TRIM34: variants seen among roughly 807,000 people sequenced by gnomAD.
The protein encoded by TRIM34 is tripartite motif containing 34, also known as E3 ubiquitin-protein ligase TRIM34.
TRIM34 carries 41 observed loss-of-function variants against 38.1 expected under a neutral mutation model. That is an observed-to-expected ratio of 1.08 (90% CI 0.84 to 1.40). The LOEUF is 1.40. TRIM34 is among the 40% of genes most tolerant of loss of function. The pLI is 0.00. For missense variants in TRIM34, 556 were observed against 571.4 expected, an observed-to-expected ratio of 0.97 and a Z score of 0.27; for synonymous variants, 200 against 202.5, an observed-to-expected ratio of 0.99 and a Z score of 0.10.
At chr11:5,622,134 G>T (rs150924731), upstream of TRIM34, among the ~76,000 whole-genome samples, 60 of 152,270 alleles carry the variant, frequency 3.9e-4, 1 homozygote, top group African/African-American at 1.3e-3. Flanking sequence ...TGAACTCAGA[G>T]AAATGAGTTT....
intron 6 of TRIM34, 76 bp from the exon 7 acceptor site, chr11:5,642,741 A>G (rs1850068484): frequency 6.3e-7 from 1 of 1,586,578 alleles, no homozygotes; most frequent in Admixed American, 1.8e-5. Context: ...CCCTGTCCCT[A>G]CTCTAAAGAA....
intron 6 of TRIM34, 58 bp from the exon 7 acceptor site, chr11:5,642,755 ATAGG>A (rs1850070228): frequency 1.2e-6 from 2 of 1,604,536 alleles, no homozygotes; most frequent in Admixed American, 3.4e-5. Context: ...TAAAGAATAT[ATAGG>A]TATCAGTGCT....
chr11:5,632,807 T>C, intron 2 of TRIM34, 53 bp downstream of exon 2: 1 of 1,306,822 alleles, frequency 7.7e-7, no homozygotes, highest in Non-Finnish European at 1.0e-6. Context: ...TGGTGGAAAA[T>C]CTCACCTTTT....
chr11:5,641,981 G>A (rs997320928), intron 5 of TRIM34, among the ~76,000 whole-genome samples: 1 of 152,128 alleles, frequency 6.6e-6, no homozygotes, highest in African/African-American at 2.4e-5. Flanking sequence ...CCGTATCACA[G>A]TCAGGATCTA....
rs1849518280 is a variant in TRIM34, at chr11:5,632,378, C to A, written c.47C>A (p.Pro16His). Residue 16 changes from proline (P) to histidine (H), a missense_variant, in exon 2 of 8, where the codon CCC becomes CAC. Pro to His is a moderately conservative substitution (Grantham distance 77). Coordinates refer to ENST00000429814, the MANE Select transcript of TRIM34 (RefSeq NM_021616.6). ...LLNVQEEVTC[P>H]ICLELLTEPL... ...AACGTACAAGAGGAGGTGACCTGTC[C>A]CATCTGCCTGGAGCTGTTGACAGAA... The A allele has an allele frequency of 1.2e-6, 2 of 1,613,962 alleles. No individual in the cohort carries two copies. Among genetic ancestry groups the A allele is most frequent in the African/African-American group, 1.3e-5 (1 of 74,956 alleles).
At position 5,636,888 on chromosome 11, in the gene TRIM34, T is replaced by G. The variant is rs1049687131; in HGVS notation, c.750+2027T>G. On this transcript the variant is annotated intron_variant, in intron 4 of 7. Transcript: ENST00000429814. ...TTGGCGGGGCGCGGTGGCTCACGCC[T>G]GTAATCCCAGCACTTTGGGAGGCCG... Among the ~76,000 whole-genome samples the G allele has an allele frequency of 3.3e-5, 5 of 152,334 alleles. No individual in the cohort carries two copies. The South Asian group carries it at 1.0e-3, about 32-fold the overall frequency.
rs180812559 is a variant in TRIM34, at chr11:5,628,704, C to G, written c.-77-3551C>G. Among the ~76,000 whole-genome samples the G allele has an allele frequency of 8.5e-4, 130 of 152,248 alleles. 1 individual carries two copies. The highest frequency in any genetic ancestry group is 3.1e-3 in the African/African-American group (127 of 41,516). On this transcript the variant is annotated intron_variant, in intron 1 of 7. Coordinates refer to ENST00000429814, the MANE Select transcript of TRIM34 (RefSeq NM_021616.6). ...GTTCAATTATATTAGTTTCCTAGCA[C>G]TGTTGTAACCAATTATCACAAACTA...
chr11:5,620,277 T>C (rs1848941815), upstream of TRIM34, among the ~76,000 whole-genome samples: 1 of 143,694 alleles, frequency 7.0e-6, no homozygotes, highest in Non-Finnish European at 1.5e-5. Context: ...TCCTGGGTTC[T>C]ATGGATTCTC....
chr11:5,642,567 G>A, intron 6 of TRIM34, 61 bp downstream of exon 6: 1 of 1,570,078 alleles, frequency 6.4e-7, no homozygotes, highest in Non-Finnish European at 8.7e-7. Flanking sequence ...GTAATAAACT[G>A]TCTAGGTGGG....
At position 5,632,602 on chromosome 11, in the gene TRIM34, G is replaced by A; in HGVS notation, c.271G>A (p.Gly91Arg). The A allele has an allele frequency of 6.2e-7, 1 of 1,613,544 alleles. No individual in the cohort carries two copies. Among genetic ancestry groups the A allele is most frequent in the African/African-American group, 1.3e-5 (1 of 74,874 alleles). ...LKEVKLSPDN[G>R]KKRDLCDHHG... ...GGAGGTCAAGTTGAGCCCAGACAAT[G>A]GGAAGAAGAGAGATCTCTGTGATCA... Residue 91 changes from glycine (G) to arginine (R), a missense_variant, in exon 2 of 8, where the codon GGG becomes AGG. Coordinates refer to ENST00000429814, the MANE Select transcript of TRIM34 (RefSeq NM_021616.6).
chr11:5,641,539 A>G (rs1253137791), intron 5 of TRIM34, among the ~76,000 whole-genome samples: 3 of 152,174 alleles, frequency 2.0e-5, no homozygotes, highest in Non-Finnish European at 4.4e-5. Context: ...TGTCATACAC[A>G]TGGAGGGCCT....
chr11:5,643,052 A>C, intron 7 of TRIM34, 92 bp from the exon 8 acceptor site: 3 of 1,297,856 alleles, frequency 2.3e-6, no homozygotes, highest in Non-Finnish European at 3.1e-6. Context: ...ATGTCACTAG[A>C]TAAACCTACT....
chr11:5,628,839 C>T (rs1040080541), intron 1 of TRIM34, among the ~76,000 whole-genome samples: 5 of 150,150 alleles, frequency 3.3e-5, no homozygotes, highest in African/African-American at 9.8e-5. Context: ...ATGTGAAAAT[C>T]GGTTCTATTC....
At chr11:5,632,186 T>TG in intron 1 of TRIM34, 69 bp from the exon 2 acceptor site, 1 of 1,516,616 alleles carries the variant, frequency 6.6e-7, no homozygotes, top group Non-Finnish European at 8.8e-7. Flanking sequence ...GGCCAGTCTT[T>TG]ATTGTCTGTG....
At chr11:5,637,274 A>G (rs939621570) in intron 4 of TRIM34, among the ~76,000 whole-genome samples, 4 of 152,144 alleles carry the variant, frequency 2.6e-5, no homozygotes, top group African/African-American at 9.7e-5. Flanking sequence ...GATTCTCATG[A>G]TGGCGATCGG....
At chr11:5,642,167 A>T (rs568799202) in intron 5 of TRIM34, among the ~76,000 whole-genome samples, 4 of 152,320 alleles carry the variant, frequency 2.6e-5, no homozygotes, top group African/African-American at 9.6e-5. Context: ...ATTTTTAAGG[A>T]AGAAACTGTG....
chr11:5,625,966 T>TA (rs1849202776), intron 1 of TRIM34, among the ~76,000 whole-genome samples: 1 of 152,388 alleles, frequency 6.6e-6, no homozygotes, highest in East Asian at 1.9e-4. Flanking sequence ...GAATTTGATA[T>TA]AGAGTATGTC....
intron 4 of TRIM34, among the ~76,000 whole-genome samples, chr11:5,638,486 T>A (rs2133945551): frequency 7.1e-6 from 1 of 141,456 alleles, no homozygotes; most frequent in East Asian, 2.4e-4. Flanking sequence ...GTACACCAGC[T>A]GGTGTCATGA....
rs1850133427 is a variant in TRIM34, at chr11:5,643,934, C to G, written c.*225C>G. On this transcript the variant is annotated 3_prime_UTR_variant, in exon 8 of 8. Coordinates refer to ENST00000429814, the MANE Select transcript of TRIM34 (RefSeq NM_021616.6). Reference sequence around the variant, plus strand: ...AGTTACCTAATCCCTCCTAAAGACACAGCAGTATGGGTATAACATCCTTGC... The same window carrying G: ...AGTTACCTAATCCCTCCTAAAGACAGAGCAGTATGGGTATAACATCCTTGC... 5.1e-6 allele frequency: 3 copies of G among 582,704 alleles called. No individual in the cohort carries two copies. The highest frequency in any genetic ancestry group is 1.9e-5 in the African/African-American group (1 of 52,482). 36.1% of individuals were successfully genotyped at this position (582,704 alleles called of 1,614,324 possible). A position where few individuals can be genotyped will look rare whatever the true frequency, so the allele number is the denominator to read the frequency against.
Sources: allele counts gnomAD v4.1 joint callset (sites outside exome capture counted in the v4.1 genomes callset), GRCh38; gene constraint gnomAD v4.1.1; transcripts MANE v1.5; gene names NCBI Gene and HGNC (gene_info 2026-07-23, HGNC 2026-07-21).